Variants in CSMD1 observed in about 807,000 individuals in gnomAD.
The protein encoded by CSMD1 is CUB and sushi domain-containing protein 1.
Under a neutral mutation model 417.5 loss-of-function variants are expected in CSMD1, and 213 were observed. The observed-to-expected ratio is 0.51, with a 90% CI of 0.46 to 0.57. The LOEUF is 0.57. Ranked by LOEUF, CSMD1 falls within the 20% of genes least tolerant of loss-of-function variation. The pLI, the probability that CSMD1 is intolerant of heterozygous loss-of-function variation, is 0.00. For missense variants in CSMD1, 6,923 were observed against 4,529.7 expected (o/e 1.53, Z -15.17); for synonymous variants, 2,862 against 1,736.8 (o/e 1.65, Z -16.11).
At chr8:4,052,190 G>T (rs770135477) in intron 3 of CSMD1, among the ~76,000 whole-genome samples, 7 of 152,148 alleles carry the variant, frequency 4.6e-5, no homozygotes, top group Non-Finnish European at 8.8e-5. Flanking sequence ...CTCCGAAAGT[G>T]CTGGGGTTAC....
At chr8:4,427,265 C>T (rs1254034064) in intron 2 of CSMD1, among the ~76,000 whole-genome samples, 2 of 152,172 alleles carry the variant, frequency 1.3e-5, no homozygotes, top group Non-Finnish European at 2.9e-5. Context: ...CAAGAGATCA[C>T]TTGAGTTATG....
intron 8 of CSMD1, among the ~76,000 whole-genome samples, chr8:3,594,469 C>T (rs1032714385): frequency 2.0e-5 from 3 of 152,002 alleles, no homozygotes; most frequent in Non-Finnish European, 4.4e-5. Flanking sequence ...CACAGCAAAA[C>T]CCTGTTGGTA....
chr8:4,430,423 T>A (rs1797810506), intron 2 of CSMD1, among the ~76,000 whole-genome samples: 1 of 152,150 alleles, frequency 6.6e-6, no homozygotes, highest in Admixed American at 6.6e-5. Context: ...ATAGTCTACC[T>A]TCTCCCGGGA....
rs184344057 is a variant in CSMD1 at position 4,410,895 on chromosome 8, G to A, written c.415+9058C>T. Among the ~76,000 whole-genome samples, 402 of 152,286 alleles carry A rather than the reference G, an allele frequency of 2.6e-3. 1 individual carries two copies. The highest frequency in any genetic ancestry group is 4.5e-3 in the Non-Finnish European group (308 of 68,032). On this transcript the variant is annotated intron_variant, in intron 3 of 69. Coordinates refer to ENST00000635120, the MANE Select transcript of CSMD1 (RefSeq NM_033225.6). ...AAGGAGGAGGGCTTAGAGGTTATAAGTTCAATAAGATCAATGAATGTCTTT... is the reference window on the plus strand; with the variant it reads ...AAGGAGGAGGGCTTAGAGGTTATAAATTCAATAAGATCAATGAATGTCTTT...
At chr8:4,956,799 T>C (rs1339487172) in intron 1 of CSMD1, among the ~76,000 whole-genome samples, 2 of 152,134 alleles carry the variant, frequency 1.3e-5, no homozygotes, top group Non-Finnish European at 2.9e-5. Context: ...TCCACTTAGA[T>C]TTTCTCCTCC....
At chr8:3,745,241 GT>G (rs1323696713) in intron 6 of CSMD1, among the ~76,000 whole-genome samples, 7 of 152,170 alleles carry the variant, frequency 4.6e-5, no homozygotes, top group Non-Finnish European at 1.0e-4. Context: ...ATGGTCAAAA[GT>G]TAACTACAAG....
intron 40 of CSMD1, among the ~76,000 whole-genome samples, chr8:3,144,256 G>A (rs1023767984): frequency 6.7e-6 from 1 of 149,218 alleles, no homozygotes; most frequent in African/African-American, 2.4e-5. Flanking sequence ...ACGGACAAAG[G>A]CCTCACTTTT....
intron 21 of CSMD1, among the ~76,000 whole-genome samples, chr8:3,358,785 A>C (rs147492330): frequency 6.6e-6 from 1 of 152,056 alleles, no homozygotes; most frequent in African/African-American, 2.4e-5. Context: ...AATCAATGCA[A>C]TTGTCAGAGG....
intron 1 of CSMD1, among the ~76,000 whole-genome samples, chr8:4,776,439 T>C (rs1211501178): frequency 6.6e-6 from 1 of 152,186 alleles, no homozygotes; most frequent in Non-Finnish European, 1.5e-5. Flanking sequence ...CGGATCCTCA[T>C]GTTATATTAG....
At chr8:4,501,435 T>G (rs1206478535) in intron 2 of CSMD1, among the ~76,000 whole-genome samples, 1 of 152,134 alleles carries the variant, frequency 6.6e-6, no homozygotes, top group African/African-American at 2.4e-5. Context: ...TTTGAAGAAG[T>G]CGAGGTGGAT....
intron 3 of CSMD1, among the ~76,000 whole-genome samples, chr8:4,157,079 A>AGT (rs1796876311): frequency 6.6e-6 from 1 of 152,188 alleles, no homozygotes; most frequent in South Asian, 2.1e-4. Context: ...TGGACCCGCC[A>AGT]TGGCCAGGGT....
chr8:3,139,221 C>G (rs781569179), intron 41 of CSMD1, among the ~76,000 whole-genome samples: 1 of 152,166 alleles, frequency 6.6e-6, no homozygotes, highest in African/African-American at 2.4e-5. Context: ...CAAGAGTTAT[C>G]AGCTGTGAAT....
At chr8:4,814,441 T>C (rs1433171678) in intron 1 of CSMD1, among the ~76,000 whole-genome samples, 3 of 152,178 alleles carry the variant, frequency 2.0e-5, no homozygotes, top group African/African-American at 4.8e-5. Context: ...GAAACACGGT[T>C]TCACCATGTT....
At chr8:3,353,325 G>A (rs1015641735) in intron 21 of CSMD1, among the ~76,000 whole-genome samples, 1 of 152,174 alleles carries the variant, frequency 6.6e-6, no homozygotes, top group South Asian at 2.1e-4. Context: ...TAAATCAGAA[G>A]AATTCTTGCG....
intron 3 of CSMD1, among the ~76,000 whole-genome samples, chr8:4,223,168 C>T (rs1332476690): frequency 1.3e-5 from 2 of 152,002 alleles, no homozygotes; most frequent in African/African-American, 4.8e-5. Context: ...CCCAGAGGAG[C>T]CTCCGGGAGT....
At chr8:4,383,491 A>G (rs6984530) in intron 3 of CSMD1, among the ~76,000 whole-genome samples, 13,996 of 152,160 alleles carry the variant, frequency 0.092, 1,852 homozygotes, top group African/African-American at 0.29. Flanking sequence ...TGTCGTCTGT[A>G]ATTTTATTCC....
intron 5 of CSMD1, among the ~76,000 whole-genome samples, chr8:3,864,170 GA>G (rs1322852667): frequency 6.6e-6 from 1 of 152,090 alleles, no homozygotes; most frequent in Non-Finnish European, 1.5e-5. Context: ...AATATTATAG[GA>G]AATCTGCTAA....
At chr8:2,948,189 G>C (rs1802383322) in intron 68 of CSMD1, among the ~76,000 whole-genome samples, 1 of 152,034 alleles carries the variant, frequency 6.6e-6, no homozygotes, top group Non-Finnish European at 1.5e-5. Flanking sequence ...TTTGTGGGTT[G>C]CAACAATTAT....
intron 5 of CSMD1, among the ~76,000 whole-genome samples, chr8:3,859,120 A>G (rs1164848588): frequency 6.6e-6 from 1 of 152,180 alleles, no homozygotes; most frequent in African/African-American, 2.4e-5. Context: ...TCTGAGTACT[A>G]TGATTCAACC....
Sources: allele counts gnomAD v4.1 joint callset (sites outside exome capture counted in the v4.1 genomes callset), GRCh38; gene constraint gnomAD v4.1.1; transcripts MANE v1.5; gene names NCBI Gene and HGNC (gene_info 2026-07-23, HGNC 2026-07-21).